Variants in SEMA6D observed in about 807,000 individuals in gnomAD.
The protein encoded by SEMA6D is semaphorin 6D.
SEMA6D carries 35 observed loss-of-function variants against 106.6 expected under a neutral mutation model. That is an observed-to-expected ratio of 0.33 (90% CI 0.25 to 0.44). The LOEUF (loss-of-function observed/expected upper bound fraction) is 0.44. Ranked by LOEUF, SEMA6D falls within the 20% of genes least tolerant of loss-of-function variation. The probability of loss-of-function intolerance (pLI) is 1.00; values close to 1 mark genes in which losing one functional copy is unlikely to be tolerated. For synonymous variants in SEMA6D, 499 were observed against 487.7 expected (o/e 1.02, Z -0.31); for missense variants, 1,185 against 1,345.9 (o/e 0.88, Z 1.87).
intron 3 of SEMA6D, among the ~76,000 whole-genome samples, chr15:47,568,353 A>G (rs1403684181): frequency 6.6e-6 from 1 of 152,194 alleles, no homozygotes; most frequent in African/African-American, 2.4e-5. Context: ...TTGGCAAGAG[A>G]AAGGATAAAT....
chr15:47,471,787 A>G (rs1016459287), intron 3 of SEMA6D, among the ~76,000 whole-genome samples: 2 of 152,168 alleles, frequency 1.3e-5, no homozygotes, highest in Non-Finnish European at 1.5e-5. Flanking sequence ...AGGCATGTCT[A>G]TGAAAGAAAA....
chr15:47,341,721 A>G (rs999150501), intron 1 of SEMA6D, among the ~76,000 whole-genome samples: 3 of 152,196 alleles, frequency 2.0e-5, no homozygotes, highest in Non-Finnish European at 4.4e-5. Flanking sequence ...CACAGTTTCA[A>G]TGAGGCACTT....
chr15:47,444,892 T>C (rs2041983625), intron 2 of SEMA6D, among the ~76,000 whole-genome samples: 1 of 152,106 alleles, frequency 6.6e-6, no homozygotes, highest in Admixed American at 6.5e-5. Flanking sequence ...CCCAGGTCCT[T>C]GTCCAGCGTC....
At chr15:47,250,328 AAG>A (rs1203380728) in intron 1 of SEMA6D, among the ~76,000 whole-genome samples, 4 of 150,790 alleles carry the variant, frequency 2.7e-5, no homozygotes, top group Non-Finnish European at 4.4e-5. Flanking sequence ...AGAGCATTAA[AAG>A]AGAGAGAGAG....
intron 1 of SEMA6D, among the ~76,000 whole-genome samples, chr15:47,234,675 A>G (rs2141637836): frequency 6.6e-6 from 1 of 152,152 alleles, no homozygotes; most frequent in Non-Finnish European, 1.5e-5. Context: ...AAAAGACATT[A>G]GTTCCTTCTT....
At chr15:47,433,937 A>G (rs570133779) in intron 2 of SEMA6D, among the ~76,000 whole-genome samples, 7 of 152,266 alleles carry the variant, frequency 4.6e-5, no homozygotes, top group African/African-American at 1.4e-4. Context: ...AATATAAACT[A>G]TGAGATGGAC....
intron 1 of SEMA6D, among the ~76,000 whole-genome samples, chr15:47,223,031 G>C (rs1032213540): frequency 6.6e-6 from 1 of 152,144 alleles, no homozygotes; most frequent in Non-Finnish European, 1.5e-5. Context: ...TGGGCATAGT[G>C]TTGGCTGCTT....
intron 1 of SEMA6D, among the ~76,000 whole-genome samples, chr15:47,315,603 C>A (rs1241116508): frequency 2.0e-5 from 3 of 152,092 alleles, no homozygotes; most frequent in African/African-American, 2.4e-5. Context: ...TCCATATAAA[C>A]TTTATAATTA....
chr15:47,598,392 A>C (rs1415964132), intron 3 of SEMA6D, among the ~76,000 whole-genome samples: 1 of 152,164 alleles, frequency 6.6e-6, no homozygotes, highest in Admixed American at 6.5e-5. Flanking sequence ...TTTTGGTTTT[A>C]GGGAAATCCA....
intron 3 of SEMA6D, among the ~76,000 whole-genome samples, chr15:47,552,881 A>AATATATATATATTTTTAT (rs1447208066): frequency 2.1e-4 from 3 of 14,338 alleles, no homozygotes; most frequent in Non-Finnish European, 4.1e-4. Flanking sequence ...TATATATATA[A>AATATATATATATTTTTAT]ATATATATAA....
intron 4 of SEMA6D, among the ~76,000 whole-genome samples, chr15:47,629,230 T>C (rs1237129098): frequency 6.6e-6 from 1 of 152,030 alleles, no homozygotes; most frequent in Non-Finnish European, 1.5e-5. Flanking sequence ...CTTATTATGC[T>C]TTTTCAGTAT....
chr15:47,619,350 T>C (rs1254932908), intron 4 of SEMA6D, among the ~76,000 whole-genome samples: 1 of 152,192 alleles, frequency 6.6e-6, no homozygotes, highest in African/African-American at 2.4e-5. Context: ...CACCCATAGC[T>C]GACATCTGCT....
intron 2 of SEMA6D, among the ~76,000 whole-genome samples, chr15:47,443,192 C>A (rs1263856590): frequency 2.0e-5 from 3 of 152,112 alleles, no homozygotes; most frequent in African/African-American, 7.2e-5. Flanking sequence ...ACAACAATAT[C>A]TCCTTATCCC....
At chr15:47,751,110 C>T (rs748732277) in intron 1 of SEMA6D, among the ~76,000 whole-genome samples, 1 of 151,980 alleles carries the variant, frequency 6.6e-6, no homozygotes, top group Admixed American at 6.5e-5. Flanking sequence ...GAAAGAAGGC[C>T]TGCAATTCAG....
At chr15:47,429,247 T>C (rs1269925578) in intron 2 of SEMA6D, among the ~76,000 whole-genome samples, 1 of 152,124 alleles carries the variant, frequency 6.6e-6, no homozygotes, top group African/African-American at 2.4e-5. Context: ...CTCTGCTGCT[T>C]ACTACCTGTG....
rs976471395 is a variant in SEMA6D, at chr15:47,223,169, C to A, written c.-239+38751C>A. Among the ~76,000 whole-genome samples the A allele has an allele frequency of 7.3e-5, 11 of 150,490 alleles. 1 individual carries two copies. Among genetic ancestry groups the A allele is most frequent in the Admixed American group, 1.3e-4 (2 of 15,000 alleles). ...TCTCCCTGAAGATTTTGGTTTTCTGCAGATATTTACAAAATCTTCACAAGG... is the reference window on the plus strand; with the variant it reads ...TCTCCCTGAAGATTTTGGTTTTCTGAAGATATTTACAAAATCTTCACAAGG... On this transcript the variant is annotated intron_variant, in intron 1 of 19. Coordinates refer to the SEMA6D transcript ENST00000558014.
At chr15:47,347,340 A>C (rs1446903531) in intron 1 of SEMA6D, among the ~76,000 whole-genome samples, 4 of 152,234 alleles carry the variant, frequency 2.6e-5, no homozygotes, top group African/African-American at 9.6e-5. Flanking sequence ...ACAAATGGAC[A>C]CCTATTTGCA....
At chr15:47,695,682 T>C (rs1054663614) in intron 4 of SEMA6D, among the ~76,000 whole-genome samples, 12 of 152,148 alleles carry the variant, frequency 7.9e-5, no homozygotes, top group African/African-American at 1.2e-4. Context: ...AAATACAAAA[T>C]GTATTTTAGT....
intron 2 of SEMA6D, among the ~76,000 whole-genome samples, chr15:47,416,645 T>A (rs887398426): frequency 2.0e-5 from 3 of 152,174 alleles, no homozygotes; most frequent in Non-Finnish European, 4.4e-5. Flanking sequence ...CACTGACCTC[T>A]GTTTCTCCCC....
Sources: allele counts gnomAD v4.1 joint callset (sites outside exome capture counted in the v4.1 genomes callset), GRCh38; gene constraint gnomAD v4.1.1; transcripts MANE v1.5; gene names NCBI Gene and HGNC (gene_info 2026-07-23, HGNC 2026-07-21).